EP400: variants seen among roughly 807,000 people sequenced by gnomAD.
The protein encoded by EP400 is E1A binding protein p400, also known as E1A-binding protein p400.
EP400 carries 105 observed loss-of-function variants against 354.1 expected under a neutral mutation model. The ratio of observed to expected loss-of-function variants is 0.30; its 90% confidence interval spans 0.25 to 0.35. The LOEUF (loss-of-function observed/expected upper bound fraction) is 0.35, where lower values mean the gene tolerates loss of function less well. Among genes scored for constraint, EP400 ranks in the 10% least tolerant of loss-of-function variants. EP400 has a pLI of 1.00. For synonymous variants in EP400, 1,646 were observed against 1,716.9 expected (o/e 0.96, Z 1.02); for missense variants, 3,280 against 4,121.0 (o/e 0.80, Z 5.59).
chr12:132,061,005 ATG>A (rs1895677285), intron 45 of EP400, among the ~76,000 whole-genome samples: 1 of 152,162 alleles, frequency 6.6e-6, no homozygotes, highest in African/African-American at 2.4e-5. Context: ...ACTGAATGAT[ATG>A]CTTTAAGCAG....
In EP400 at chr12:132,021,290, G is replaced by A; in HGVS notation, c.4659G>A (p.Val1553=). The A allele has an allele frequency of 6.5e-7, 1 of 1,526,974 alleles. No homozygotes were observed. The highest frequency in any genetic ancestry group is 8.7e-7 in the Non-Finnish European group (1 of 1,143,302). 94.6% of individuals were successfully genotyped at this position (1,526,974 alleles called of 1,614,324 possible). The part of the protein sequence containing the change: ...AGQSALPQRL[V]LPSQAQARLP... ...AGAGCGCGCTGCCTCAGAGGCTGGT[G>A]CTCCCCTCGCAGGCCCAGGCCCGCT... The change falls in exon 23 of 53, where the codon GTG becomes GTA. Residue 1553 remains valine, a synonymous_variant. Transcript: ENST00000389561.
chr12:131,969,532 C>G (rs1394475730), intron 2 of EP400, among the ~76,000 whole-genome samples: 1 of 152,146 alleles, frequency 6.6e-6, no homozygotes, highest in Non-Finnish European at 1.5e-5. Flanking sequence ...ATTGGAGCCT[C>G]TTCAAGCTGG....
chr12:131,968,449 G>C (rs562585157), intron 2 of EP400, among the ~76,000 whole-genome samples: 1 of 152,306 alleles, frequency 6.6e-6, no homozygotes, highest in African/African-American at 2.4e-5. Context: ...TTCTCTGCCA[G>C]TGTCACACTA....
chr12:132,041,049 G>T (rs1894887793), intron 32 of EP400, among the ~76,000 whole-genome samples: 1 of 152,188 alleles, frequency 6.6e-6, no homozygotes, highest in Non-Finnish European at 1.5e-5. Flanking sequence ...TTGCTGCAGT[G>T]GGTGTGTGAG....
In EP400 at chr12:132,020,170, C is replaced by T. The variant is rs1894077804; in HGVS notation, c.4399C>T (p.Arg1467Ter). Reference protein sequence around the residue: ...TASAAPQGPLRGRPPIATFSA... With the variant: ...TASAAPQGPL ...CTCTGCTGCTCCACAGGGCCCGCTT[C>T]GAGGACGGCCGCCCATCGCCACGTT... Residue 1467 changes from arginine (R) to a stop codon, truncating the protein, a stop_gained, in exon 22 of 53, where the codon CGA (arginine) becomes TGA (stop). Coordinates refer to ENST00000389561, the MANE Select transcript of EP400 (RefSeq NM_015409.5). LOFTEE classifies it high-confidence loss of function. 2 of 1,610,562 alleles carry T rather than the reference C, an allele frequency of 1.2e-6. No homozygotes were observed. Among genetic ancestry groups the T allele is most frequent in the African/African-American group, 1.3e-5 (1 of 74,856 alleles).
Position 132,050,528 on chromosome 12 carries a change from G to T in EP400, c.7337+69G>T, listed in dbSNP as rs1172245255. 2 of 1,612,768 alleles carry T rather than the reference G, an allele frequency of 1.2e-6. No homozygotes were observed. The highest frequency in any genetic ancestry group is 2.7e-5 in the African/African-American group (2 of 74,870). ...AGATTGCGTGAAGCTTGGTTTTGAT[G>T]TGTTTTTAACATACCCTTCTTCAGA... is the stretch of plus-strand genomic sequence containing the variant. On this transcript the variant is annotated intron_variant, in intron 40 of 52. Coordinates refer to ENST00000389561, the MANE Select transcript of EP400 (RefSeq NM_015409.5). The surrounding 1 kb of genome is among the most constrained non-coding windows in gnomAD (Gnocchi z 4.8).
intron 12 of EP400, among the ~76,000 whole-genome samples, chr12:132,002,453 G>T (rs956061421): frequency 1.4e-5 from 2 of 146,544 alleles, no homozygotes; most frequent in African/African-American, 5.4e-5. Flanking sequence ...TTAAATTAGC[G>T]CTGTATACTC....
chr12:132,022,067 C>T (rs1292627959), intron 23 of EP400, among the ~76,000 whole-genome samples: 1 of 152,194 alleles, frequency 6.6e-6, no homozygotes, highest in Non-Finnish European at 1.5e-5. Context: ...GAGTGATGCA[C>T]AGAGACACTT....
At chr12:132,056,987 T>TAC (rs1286848438) in intron 45 of EP400, among the ~76,000 whole-genome samples, 1 of 152,180 alleles carries the variant, frequency 6.6e-6, no homozygotes, top group Non-Finnish European at 1.5e-5. Context: ...ACCACAGTGA[T>TAC]ACACCACCAT....
intron 7 of EP400, among the ~76,000 whole-genome samples, chr12:131,989,026 C>A (rs1371672909): frequency 1.3e-5 from 2 of 152,166 alleles, no homozygotes; most frequent in African/African-American, 4.8e-5. Context: ...AGCCTTTCCA[C>A]AAAGAAGATA....
intron 37 of EP400, 78 bp downstream of exon 37, chr12:132,045,031 G>A: frequency 7.5e-7 from 1 of 1,333,298 alleles, no homozygotes; most frequent in Non-Finnish European, 1.0e-6. Flanking sequence ...ACTTTCTGCT[G>A]TCTGCCTGTC....
In EP400 at chr12:132,070,284, T is replaced by G. The variant is rs1896029506; in HGVS notation, c.9021+643T>G. The stretch of plus-strand genomic sequence containing the variant: ...GTCTTACATCCTCTGGGAATTGGTT[T>G]TTGGGTCTGAGATAGAAACAGGAAT... On this transcript the variant is annotated intron_variant, in intron 51 of 52. Transcript: ENST00000389561. The surrounding 1 kb of genome is among the most constrained non-coding windows in gnomAD (Gnocchi z 4.1). Among the ~76,000 whole-genome samples, 1 of 152,260 alleles carries G rather than the reference T, an allele frequency of 6.6e-6. No individual in the cohort carries two copies. Among genetic ancestry groups the G allele is most frequent in the Admixed American group, 6.5e-5 (1 of 15,284 alleles).
chr12:132,072,128 T>C (rs1407262603), intron 51 of EP400, among the ~76,000 whole-genome samples: 1 of 152,180 alleles, frequency 6.6e-6, no homozygotes, highest in East Asian at 1.9e-4. Context: ...CTGCCTGCCT[T>C]GTCAGGTCTG....
In EP400 at chr12:132,026,305, C is replaced by T. The variant is rs144704224; in HGVS notation, c.5014+501C>T. On this transcript the variant is annotated intron_variant, in intron 25 of 52. Transcript: ENST00000389561. ...GTGTGTCCTCTGGAACCCAGAGACC[C>T]GTGGAGGCAGGTGGGAGCCTAGAGG... 2.0e-4 allele frequency among the ~76,000 whole-genome samples: 30 copies of T among 152,236 alleles called. No individual in the cohort carries two copies. In the East Asian group the frequency reaches 4.4e-3, roughly 23 times the overall value.
intron 16 of EP400, 151 bp downstream of exon 16, chr12:132,011,785 C>A: frequency 9.1e-7 from 1 of 1,104,710 alleles, no homozygotes. Context: ...TTGTTCCCCT[C>A]GAAAGCATAG....
intron 12 of EP400, among the ~76,000 whole-genome samples, chr12:132,001,410 A>G (rs1168044088): frequency 2.6e-5 from 4 of 152,142 alleles, no homozygotes; most frequent in Admixed American, 6.5e-5. Flanking sequence ...TACTTTCACT[A>G]ATTTTGCTAC....
At chr12:132,024,062 A>T in intron 24 of EP400, 121 bp downstream of exon 24, 5 of 1,132,512 alleles carry the variant, frequency 4.4e-6, no homozygotes, top group Non-Finnish European at 5.9e-6. Context: ...GTGTCCGATG[A>T]TGCATCTCAC....
intron 5 of EP400, among the ~76,000 whole-genome samples, 169 bp downstream of exon 5, chr12:131,982,647 T>G (rs1343751913): frequency 6.6e-6 from 1 of 152,170 alleles, no homozygotes; most frequent in Non-Finnish European, 1.5e-5. Flanking sequence ...ACAGTTTTAT[T>G]TGGCTCTATG....
intron 11 of EP400, among the ~76,000 whole-genome samples, 178 bp downstream of exon 11, chr12:131,992,408 G>T (rs938157151): frequency 2.6e-5 from 4 of 152,160 alleles, no homozygotes; most frequent in African/African-American, 7.2e-5. Flanking sequence ...AGAGGACTTG[G>T]GATGTTTTCT....
Sources: gnomAD v4.1 joint callset for allele counts (sites outside exome capture counted in the v4.1 genomes callset) on GRCh38, gnomAD v4.1.1 for gene constraint, Gnocchi (gnomAD v3.1) non-coding constraint, MANE v1.5 for transcripts, NCBI Gene and HGNC (gene_info 2026-07-23, HGNC 2026-07-21) for gene names.